HEPH: variants seen among roughly 807,000 people sequenced by gnomAD.
The protein encoded by HEPH is hephaestin.
In HEPH, 69 loss-of-function variants were observed where a neutral mutation model predicts 80.8. The observed-to-expected ratio is 0.85, with a 90% CI of 0.70 to 1.04. The LOEUF (loss-of-function observed/expected upper bound fraction) is 1.04. Ranked by LOEUF, HEPH falls within the 50% of genes least tolerant of loss-of-function variation. HEPH has a pLI of 0.00. For synonymous variants in HEPH, 431 were observed against 322.8 expected, an observed-to-expected ratio of 1.34 and a Z score of -3.60; for missense variants, 1,115 against 891.3, an observed-to-expected ratio of 1.25 and a Z score of -3.20.
In HEPH at chrX:66,266,747, C is replaced by A. The variant is rs1397554714; in HGVS notation, c.*75C>A. 1 of 656,952 alleles carries A rather than the reference C, an allele frequency of 1.5e-6. No individual in the cohort carries two copies. The highest frequency in any genetic ancestry group is 3.4e-5 in the East Asian group (1 of 29,186). The allele number at this position is 656,952 out of a possible 1,213,427, so 54.1% of individuals were successfully genotyped here. A position where few individuals can be genotyped will look rare whatever the true frequency, so the allele number is the denominator to read the frequency against. On this transcript the variant is annotated 3_prime_UTR_variant, in exon 21 of 21. Coordinates refer to ENST00000343002, the MANE Select transcript of HEPH (RefSeq NM_001367233.3). ...CAGCAGGCCATGGACTAGTCACTAA[C>A]CCCACACTCAAAGGGGCATGGGTGG... is the stretch of plus-strand genomic sequence containing the variant.
chrX:66,238,670 A>T lies in HEPH; in HGVS notation c.2564-16365A>T, dbSNP rs143368255. 3.7e-3 allele frequency among the ~76,000 whole-genome samples: 417 copies of T among 111,760 alleles called. 4 individuals carry two copies. Among genetic ancestry groups the T allele is most frequent in the African/African-American group, 0.013 (396 of 30,777 alleles). On this transcript the variant is annotated intron_variant, in intron 15 of 20. Coordinates refer to ENST00000343002, the MANE Select transcript of HEPH (RefSeq NM_001367233.3). ...TGACCTGCCCTTTCTGTCTAGCTGC[A>T]TTTAACATTTTTTTCTTTTATTTTG... is the stretch of plus-strand genomic sequence containing the variant.
At chrX:66,244,168 G>A (rs764810179) in intron 15 of HEPH, among the ~76,000 whole-genome samples, 14 of 111,418 alleles carry the variant, frequency 1.3e-4, no homozygotes, top group Admixed American at 3.8e-4. Flanking sequence ...TAGTCATCTT[G>A]TATAGTATCT....
rs188334931 is a variant in HEPH, at chrX:66,198,045, C to A, written c.1713+151C>A. On this transcript the variant is annotated intron_variant, in intron 10 of 20. Coordinates refer to ENST00000343002, the MANE Select transcript of HEPH (RefSeq NM_001367233.3). ...TCCATCAGAAATTAATAGTTGGTGA[C>A]CTCATACTATCTTGCATGTTATTTT... is the stretch of plus-strand genomic sequence containing the variant. 6.3e-6 allele frequency: 3 copies of A among 477,422 alleles called. No homozygotes were observed. In the African/African-American group the frequency reaches 7.2e-5, roughly 12 times the overall value. The allele number at this position is 477,422 out of a possible 1,213,427, so 39.3% of individuals were successfully genotyped here. A position where few individuals can be genotyped will look rare whatever the true frequency, so the allele number is the denominator to read the frequency against.
intron 15 of HEPH, among the ~76,000 whole-genome samples, chrX:66,229,228 A>G (rs1038630079): frequency 5.3e-5 from 6 of 112,435 alleles, no homozygotes; most frequent in Non-Finnish European, 7.5e-5. Flanking sequence ...AGATATATAG[A>G]TATAGATGTA....
intron 16 of HEPH, among the ~76,000 whole-genome samples, 169 bp from the exon 17 acceptor site, chrX:66,255,936 T>A (rs1052125598): frequency 1.8e-5 from 2 of 112,505 alleles, no homozygotes; most frequent in Admixed American, 1.9e-4. Flanking sequence ...CCAAGATAAT[T>A]GTTAGAATGA....
At chrX:66,251,392 T>C (rs1280109208) in intron 15 of HEPH, among the ~76,000 whole-genome samples, 2 of 112,363 alleles carry the variant, frequency 1.8e-5, no homozygotes, top group African/African-American at 6.5e-5. Context: ...TAAAGGCCAT[T>C]GTGACAGGTA....
chrX:66,229,438 T>C (rs2090029132), intron 15 of HEPH, among the ~76,000 whole-genome samples: 1 of 110,766 alleles, frequency 9.0e-6, no homozygotes, highest in African/African-American at 3.3e-5. Flanking sequence ...CAATGAACTT[T>C]GGGGATTCAG....
At chrX:66,221,638 C>T (rs2089652363) in intron 15 of HEPH, among the ~76,000 whole-genome samples, 1 of 112,805 alleles carries the variant, frequency 8.9e-6, no homozygotes, top group African/African-American at 3.2e-5. Context: ...AAAAGTCCAA[C>T]TGCCATTTTT....
intron 2 of HEPH, among the ~76,000 whole-genome samples, 176 bp downstream of exon 2, chrX:66,170,913 C>G (rs2086568991): frequency 9.0e-6 from 1 of 111,511 alleles, no homozygotes; most frequent in Non-Finnish European, 1.9e-5. Context: ...AGTCAGAAGC[C>G]AGCATTTCAT....
chrX:66,226,489 G>T (rs908674539), intron 15 of HEPH, among the ~76,000 whole-genome samples: 1 of 111,718 alleles, frequency 9.0e-6, no homozygotes, highest in African/African-American at 3.3e-5. Flanking sequence ...ATATACAAAA[G>T]ATAAATGAAA....
chrX:66,207,652 A>C (rs1403516930), intron 14 of HEPH, among the ~76,000 whole-genome samples: 1 of 111,299 alleles, frequency 9.0e-6, no homozygotes, highest in African/African-American at 3.3e-5. Context: ...ATATATACAC[A>C]AGGAATCAGT....
intron 15 of HEPH, among the ~76,000 whole-genome samples, chrX:66,222,187 A>G (rs2089680242): frequency 8.8e-6 from 1 of 113,207 alleles, no homozygotes; most frequent in Non-Finnish European, 1.9e-5. Flanking sequence ...CTGTCATGAG[A>G]GACACAAAGT....
intron 15 of HEPH, among the ~76,000 whole-genome samples, chrX:66,233,152 C>G (rs1258646298): frequency 1.8e-5 from 2 of 111,776 alleles, no homozygotes; most frequent in Non-Finnish European, 3.8e-5. Context: ...CAATTAATTA[C>G]AAAACACCAT....
chrX:66,195,402 A>G (rs2088032068), intron 9 of HEPH, among the ~76,000 whole-genome samples, 173 bp downstream of exon 9: 1 of 111,716 alleles, frequency 9.0e-6, no homozygotes, highest in African/African-American at 3.2e-5. Context: ...TTCAATAATA[A>G]GAGAAAATTT....
intron 15 of HEPH, among the ~76,000 whole-genome samples, chrX:66,212,579 T>C (rs2089188411): frequency 8.9e-6 from 1 of 112,079 alleles, no homozygotes; most frequent in Admixed American, 9.5e-5. Flanking sequence ...GGATGTTCTT[T>C]CTCCAATGTA....
intron 15 of HEPH, among the ~76,000 whole-genome samples, chrX:66,250,449 C>T (rs2148151017): frequency 9.0e-6 from 1 of 111,346 alleles, no homozygotes; most frequent in Admixed American, 9.6e-5. Context: ...AATTTTAGCA[C>T]ATGAATAGAT....
chrX:66,219,392 TAGTA>T lies in HEPH; in HGVS notation c.2563+11149_2563+11152del, dbSNP rs767174923. ...TGATCGTCTATGTGTAGACAGCAATTAGTAAGGTTAAATTTTCTACAGACCCCTC... is the reference window on the plus strand; with the variant it reads ...TGATCGTCTATGTGTAGACAGCAATTAGGTTAAATTTTCTACAGACCCCTC... On this transcript the variant is annotated intron_variant, in intron 15 of 20. Coordinates refer to ENST00000343002, the MANE Select transcript of HEPH (RefSeq NM_001367233.3). 3.1e-3 allele frequency among the ~76,000 whole-genome samples: 350 copies of T among 111,828 alleles called. 2 individuals are homozygous for T. The highest frequency in any genetic ancestry group is 9.6e-3 in the African/African-American group (295 of 30,741).
At chrX:66,213,793 G>A (rs2089265367) in intron 15 of HEPH, among the ~76,000 whole-genome samples, 2 of 111,941 alleles carry the variant, frequency 1.8e-5, no homozygotes, top group East Asian at 5.6e-4. Flanking sequence ...AAATCAGTAG[G>A]ACAAAACAAA....
intron 15 of HEPH, among the ~76,000 whole-genome samples, chrX:66,241,749 A>T (rs1205119777): frequency 9.0e-6 from 1 of 111,592 alleles, no homozygotes; most frequent in Admixed American, 9.6e-5. Context: ...TTGACATTCA[A>T]CCAAATTTCA....
Sources: allele counts gnomAD v4.1 joint callset (sites outside exome capture counted in the v4.1 genomes callset), GRCh38; gene constraint gnomAD v4.1.1; transcripts MANE v1.5; gene names NCBI Gene and HGNC (gene_info 2026-07-23, HGNC 2026-07-21).